The following KIF1A variants were observed in gnomAD, a reference collection of about 807,000 sequenced individuals.
KIF1A encodes the protein kinesin family member 1A, also known as kinesin-like protein KIF1A.
Under a neutral mutation model 227.3 loss-of-function variants are expected in KIF1A, and 46 were observed. The ratio of observed to expected loss-of-function variants is 0.20; its 90% CI spans 0.16 to 0.26. KIF1A has a LOEUF of 0.26. Among genes scored for constraint, KIF1A ranks in the 10% least tolerant of loss-of-function variants. The pLI is 1.00. For synonymous variants in KIF1A, 1,022 were observed against 1,012.8 expected (o/e 1.01, Z -0.17); for missense variants, 1,683 against 2,485.9 (o/e 0.68, Z 6.87).
At chr2:240,780,867 T>C (rs1159990351) in intron 10 of KIF1A, among the ~76,000 whole-genome samples, 7 of 15,772 alleles carry the variant, frequency 4.4e-4, no homozygotes, top group East Asian at 1.2e-3. Context: ...CACACACAGC[T>C]CCACACACAC....
At chr2:240,777,039 G>A (rs901628017) in intron 10 of KIF1A, among the ~76,000 whole-genome samples, 2 of 152,054 alleles carry the variant, frequency 1.3e-5, no homozygotes, top group Non-Finnish European at 2.9e-5. Context: ...TTTTTCTTTT[G>A]TTTTGTTTTT....
In KIF1A at chr2:240,773,885, G is replaced by A. The variant is rs145742516; in HGVS notation, c.1037+298C>T. Among the ~76,000 whole-genome samples, 1,099 of 151,718 alleles carry A rather than the reference G, an allele frequency of 7.2e-3. 10 individuals are homozygous for A. The highest frequency in any genetic ancestry group is 0.025 in the African/African-American group (1,016 of 41,468). On this transcript the variant is annotated intron_variant, in intron 12 of 48. Transcript: ENST00000498729. ...AAAATCCCCAGTGGTTACCCCGGCC[G>A]GCAGGTGAGTGTAAACTGCTTCGCC...
rs1265957603 is a variant in KIF1A, at chr2:240,721,974, A to G, written c.4666-90T>C. 9.2e-6 allele frequency: 10 copies of G among 1,084,338 alleles called. No individual in the cohort carries two copies. The East Asian group carries it at 2.6e-4, about 28-fold the overall frequency. 67.2% of individuals were successfully genotyped at this position (1,084,338 alleles called of 1,614,324 possible). ...CAGGCTCTTCTACCCACCCCTCCCC[A>G]GACACAGGTGGGTTCCGACGCCAGA... On this transcript the variant is annotated intron_variant, in intron 43 of 48. Transcript: ENST00000498729.
rs1196829108 is a variant in KIF1A at position 240,740,040 on chromosome 2, C to T, written c.3901+18G>A. On this transcript the variant is annotated intron_variant, in intron 37 of 48. Transcript: ENST00000498729. This position sits in a 1 kb window ranked among gnomAD's most constrained non-coding sequence, Gnocchi z 6.1. ...AGCTCAGCCCCACCCACCAAGGCAG[C>T]CCCCACACCGCACTCACCCACGACC... 3.2e-6 allele frequency: 5 copies of T among 1,563,792 alleles called. No individual in the cohort carries two copies. The highest frequency in any genetic ancestry group is 3.7e-5 in the Admixed American group (2 of 53,490).
At chr2:240,780,830 C>CCACACACACACACAGCTCCACA in intron 10 of KIF1A, among the ~76,000 whole-genome samples, 1 of 10,080 alleles carries the variant, frequency 9.9e-5, no homozygotes, top group East Asian at 3.0e-3. Flanking sequence ...ACACACAGCT[C>CCACACACACACACAGCTCCACA]CACACACACA....
chr2:240,806,678 C>A (rs1459237719), intron 1 of KIF1A, among the ~76,000 whole-genome samples: 1 of 152,142 alleles, frequency 6.6e-6, no homozygotes, highest in African/African-American at 2.4e-5. Context: ...AAAATCATGT[C>A]TAGCATCCAA....
intron 6 of KIF1A, among the ~76,000 whole-genome samples, chr2:240,785,516 A>G (rs953387909): frequency 6.6e-6 from 1 of 152,118 alleles, no homozygotes; most frequent in African/African-American, 2.4e-5. Flanking sequence ...CACACCCCTC[A>G]GGAGATGGCA....
intron 1 of KIF1A, among the ~76,000 whole-genome samples, chr2:240,799,488 C>T (rs376403887): frequency 6.6e-6 from 1 of 152,244 alleles, no homozygotes; most frequent in Non-Finnish European, 1.5e-5. Context: ...GTGCCGCCTA[C>T]ACCACAGCCC....
Position 240,782,605 on chromosome 2 carries a change from G to T in KIF1A, c.867C>A (p.Asp289Glu). The T allele has an allele frequency of 6.4e-7, 1 of 1,552,366 alleles. No individual in the cohort carries two copies. The highest frequency in any genetic ancestry group is 8.7e-7 in the Non-Finnish European group (1 of 1,147,774). The change falls in exon 10 of 49, where the codon GAC becomes GAA. Residue 289 changes from aspartate to glutamate, a missense_variant and splice_region_variant. This residue lies in a region of KIF1A where 15 missense variants were observed against 16.1 expected (regional missense o/e 0.93). Coordinates refer to ENST00000498729, the MANE Select transcript of KIF1A (RefSeq NM_001244008.2). The part of the protein sequence containing the change: ...GKVISALAEM[D>E]SGPNKNKKKK... ...AGCCGCTTACCTTGTTGGGTCCGGA[G>T]TCCTGAAAAGGAAAAGACAGAGAGA...
intron 22 of KIF1A, 51 bp downstream of exon 22, chr2:240,762,967 TC>T: frequency 2.1e-6 from 2 of 931,298 alleles, no homozygotes; most frequent in Non-Finnish European, 2.7e-6. Flanking sequence ...AGGACAGGGG[TC>T]CCCTGGTGTG....
intron 38 of KIF1A, among the ~76,000 whole-genome samples, chr2:240,727,640 G>A (rs976857030): frequency 1.3e-5 from 2 of 152,164 alleles, no homozygotes; most frequent in African/African-American, 2.4e-5. Context: ...CGGCGGCCTC[G>A]CTGTGTTCCT....
chr2:240,788,075 C>A lies in KIF1A; in HGVS notation c.339G>T (p.Lys113Asn). The change falls in exon 4 of 49, where the codon AAG becomes AAT. Residue 113 changes from lysine to asparagine, a missense_variant. Lys to Asn is a moderately conservative substitution (Grantham distance 94). Coordinates refer to ENST00000498729, the MANE Select transcript of KIF1A (RefSeq NM_001244008.2). This position sits in a 1 kb window ranked among gnomAD's most constrained non-coding sequence, Gnocchi z 6.6. ...CCTGTGGGATGATGCCCTGCTGGTC[C>A]TTCTCCTGCTTGCCCATCATGGTGT... The part of the protein sequence containing the change: ...KSYTMMGKQE[K>N]DQQGIIPQLC... 2 of 1,583,894 alleles carry A rather than the reference C, an allele frequency of 1.3e-6. No homozygotes were observed. Among genetic ancestry groups the A allele is most frequent in the Non-Finnish European group, 1.7e-6 (2 of 1,164,902 alleles).
At chr2:240,797,391 G>C (rs369772640) in intron 2 of KIF1A, among the ~76,000 whole-genome samples, 50 of 152,332 alleles carry the variant, frequency 3.3e-4, no homozygotes, top group African/African-American at 1.2e-3. Context: ...GGAGCTCAGA[G>C]AGAGTGAGGC....
chr2:240,771,391 C>T (rs1277334261), intron 14 of KIF1A: 2 of 482,358 alleles, frequency 4.1e-6, no homozygotes, highest in African/African-American at 2.0e-5. Context: ...GTGGCGCGCA[C>T]TTGCCCGCCT....
rs371805653 is a variant in KIF1A at position 240,760,679 on chromosome 2, C to T, written c.2430G>A (p.Thr810=). Reference sequence around the variant, plus strand: ...TCCAGCCCCACCTGAGCTTCTCCAGCGTCCAGTAGTGGGTGGCCCCGTTCT... The same window carrying T: ...TCCAGCCCCACCTGAGCTTCTCCAGTGTCCAGTAGTGGGTGGCCCCGTTCT... The part of the protein sequence containing the change: ...DQKNGATHYW[T]LEKLRQRLDL... Residue 810 remains threonine (T), a synonymous_variant, in exon 25 of 49, where the codon ACG becomes ACA. Transcript: ENST00000498729. The T allele has an allele frequency of 9.1e-6, 14 of 1,533,416 alleles. No individual in the cohort carries two copies. The highest frequency in any genetic ancestry group is 1.3e-5 in the South Asian group (1 of 79,258). The allele number at this position is 1,533,416 out of a possible 1,614,324, so 95.0% of individuals were successfully genotyped here. A position where few individuals can be genotyped will look rare whatever the true frequency, so the allele number is the denominator to read the frequency against.
rs879253903 is a variant in KIF1A at position 240,719,053 on chromosome 2, C to T, written c.5167G>A (p.Ala1723Thr). ...DTVERFVLNL[A>T]TAQVEYSEDQ... Reference sequence around the variant, plus strand: ...TCACTGTACTCCACCTGGGCAGTGGCCAGGTTGAGCACGAACCGCTCCACG... The same window carrying T: ...TCACTGTACTCCACCTGGGCAGTGGTCAGGTTGAGCACGAACCGCTCCACG... The change falls in exon 47 of 49, where the codon GCC becomes ACC. Residue 1723 changes from alanine (A) to threonine (T), a missense_variant. Ala to Thr is a moderately conservative substitution (Grantham distance 58). This residue lies in a region of KIF1A where 384 missense variants were observed against 410.1 expected (regional missense o/e 0.94). Transcript: ENST00000498729. 10 of 1,612,312 alleles carry T rather than the reference C, an allele frequency of 6.2e-6. No homozygotes were observed. The highest frequency in any genetic ancestry group is 7.6e-6 in the Non-Finnish European group (9 of 1,179,590).
chr2:240,720,650 G>A (rs1336728059), intron 45 of KIF1A: 5 of 327,900 alleles, frequency 1.5e-5, no homozygotes, highest in Non-Finnish European at 2.8e-5. Flanking sequence ...CAGGAAAGGG[G>A]AGCTTTAGCT....
In KIF1A at chr2:240,755,748, C is replaced by T. The variant is rs907638292; in HGVS notation, c.2858+1571G>A. Among the ~76,000 whole-genome samples, 13 of 152,292 alleles carry T rather than the reference C, an allele frequency of 8.5e-5. No individual in the cohort carries two copies. The East Asian group carries it at 1.4e-3, about 16-fold the overall frequency. ...ACCCAGCTCTTTCTGGCTGAGACTGCGAGAGCCCCACCCCACTTCTCCTGA... is the reference window on the plus strand; with the variant it reads ...ACCCAGCTCTTTCTGGCTGAGACTGTGAGAGCCCCACCCCACTTCTCCTGA... On this transcript the variant is annotated intron_variant, in intron 27 of 48. Transcript: ENST00000498729.
At chr2:240,768,990 T>C in intron 17 of KIF1A, 143 bp downstream of exon 17, 1 of 708,096 alleles carries the variant, frequency 1.4e-6, no homozygotes, top group Non-Finnish European at 2.5e-6. Context: ...TGACTATGGG[T>C]GAGCTTCACA....
Sources: allele counts gnomAD v4.1 joint callset (sites outside exome capture counted in the v4.1 genomes callset), GRCh38; gene constraint gnomAD v4.1.1; regional missense constraint gnomAD v4.1.1; non-coding constraint Gnocchi (gnomAD v3.1); transcripts MANE v1.5; gene names NCBI Gene and HGNC (gene_info 2026-07-23, HGNC 2026-07-21).